The following ZNF367 variants were observed in gnomAD, a reference collection of about 807,000 sequenced individuals.
ZNF367 encodes zinc finger protein 367, also known as C2H2 zinc finger protein ZFF29.
In ZNF367, 11 loss-of-function variants were observed where a neutral mutation model predicts 31.8. That is an observed-to-expected ratio of 0.35 (90% CI 0.22 to 0.57). The LOEUF (loss-of-function observed/expected upper bound fraction) is 0.57. Among genes scored for constraint, ZNF367 ranks in the 20% least tolerant of loss-of-function variants. ZNF367 has a pLI of 0.85. For missense variants in ZNF367, 353 were observed against 484.1 expected (o/e 0.73, Z 2.54); for synonymous variants, 199 against 202.4 (o/e 0.98, Z 0.14).
At chr9:96,398,114 AAAAAAAAAG>A (rs1179528569) in intron 2 of ZNF367, 41 bp downstream of exon 2, 16 of 988,024 alleles carry the variant, frequency 1.6e-5, no homozygotes, top group East Asian at 6.5e-5. Flanking sequence ...AAAAAAAAAA[AAAAAAAAAG>A]TGTTACTTCT....
intron 1 of ZNF367, among the ~76,000 whole-genome samples, chr9:96,416,318 C>G (rs1037001288): frequency 2.0e-5 from 3 of 151,766 alleles, no homozygotes; most frequent in Admixed American, 2.0e-4. Context: ...GATCTCCTGA[C>G]CTCGTGATCC....
chr9:96,395,312 G>A (rs748318961), intron 2 of ZNF367, among the ~76,000 whole-genome samples: 3 of 152,008 alleles, frequency 2.0e-5, no homozygotes, highest in East Asian at 1.9e-4. Context: ...TGAACCCTCC[G>A]ACAGCCTCCT....
At chr9:96,401,824 T>A (rs1184894683) in intron 1 of ZNF367, among the ~76,000 whole-genome samples, 1 of 146,392 alleles carries the variant, frequency 6.8e-6, no homozygotes, top group East Asian at 2.1e-4. Context: ...TGAGATGCCA[T>A]CTCCAAAAAA....
At chr9:96,393,534 T>A (rs1027869635) in intron 3 of ZNF367, among the ~76,000 whole-genome samples, 1 of 131,406 alleles carries the variant, frequency 7.6e-6, no homozygotes, top group African/African-American at 2.9e-5. Context: ...CAATAAAAAA[T>A]AAATAAATAA....
chr9:96,398,065 G>A, intron 2 of ZNF367, 99 bp downstream of exon 2: 1 of 1,217,978 alleles, frequency 8.2e-7, no homozygotes, highest in Non-Finnish European at 1.1e-6. Flanking sequence ...ACTCCAGCCT[G>A]GGCAACAGAG....
rs574864202 is a variant in ZNF367, at chr9:96,385,952, A to C, written c.*2285T>G. On this transcript the variant is annotated 3_prime_UTR_variant, in exon 5 of 5. Transcript: ENST00000375256. Reference sequence around the variant, plus strand: ...CCGTGTACTTTAAATTTTAAATTAAAATAAATTTTTATTCAAAGCATCTTT... The same window carrying C: ...CCGTGTACTTTAAATTTTAAATTAACATAAATTTTTATTCAAAGCATCTTT... 1 of 152,306 alleles carries C rather than the reference A, an allele frequency of 6.6e-6. No individual in the cohort carries two copies. The highest frequency in any genetic ancestry group is 2.1e-4 in the South Asian group (1 of 4,824). 9.4% of individuals were successfully genotyped at this position (152,306 alleles called of 1,614,324 possible).
intron 1 of ZNF367, among the ~76,000 whole-genome samples, chr9:96,413,661 A>G (rs1831781322): frequency 6.6e-6 from 1 of 152,194 alleles, no homozygotes; most frequent in African/African-American, 2.4e-5. Flanking sequence ...TCCCTCTCAG[A>G]ATTCTACAAT....
intron 1 of ZNF367, among the ~76,000 whole-genome samples, chr9:96,401,813 G>A (rs939676235): frequency 1.3e-5 from 2 of 150,184 alleles, no homozygotes; most frequent in Non-Finnish European, 3.0e-5. Context: ...GGCAGACAGT[G>A]TGAGATGCCA....
chr9:96,386,172 T>C lies in ZNF367; in HGVS notation c.*2065A>G, dbSNP rs1831407337. 1 of 152,172 alleles carries C rather than the reference T, an allele frequency of 6.6e-6. No individual in the cohort carries two copies. The highest frequency in any genetic ancestry group is 1.5e-5 in the Non-Finnish European group (1 of 68,014). 9.4% of individuals were successfully genotyped at this position (152,172 alleles called of 1,614,324 possible). A position where few individuals can be genotyped will look rare whatever the true frequency, so the allele number is the denominator to read the frequency against. On this transcript the variant is annotated 3_prime_UTR_variant, in exon 5 of 5. Coordinates refer to ENST00000375256, the MANE Select transcript of ZNF367 (RefSeq NM_153695.4). The stretch of plus-strand genomic sequence containing the variant: ...CTTATATCAAAAAGAACATTTTAAA[T>C]GTTTCTAAATAGTTGTGATAATTTC...
chr9:96,417,912 T>C lies in ZNF367; in HGVS notation c.121A>G (p.Lys41Glu). Reference protein sequence around the residue: ...LVSVIRTTPIKPTCGGGGEPE... With the variant: ...LVSVIRTTPIEPTCGGGGEPE... Reference sequence around the variant, plus strand: ...TCCCCTCCACCGCCGCACGTTGGCTTGATCGGGGTCGTCCTGATGACCGAC... The same window carrying C: ...TCCCCTCCACCGCCGCACGTTGGCTCGATCGGGGTCGTCCTGATGACCGAC... Residue 41 changes from lysine (K) to glutamate (E), a missense_variant, in exon 1 of 5, where the codon AAG (lysine) becomes GAG (glutamate). Physicochemically the swap from Lys to Glu is moderately conservative, Grantham distance 56. Around this residue, in one of 5 missense-constraint regions of ZNF367, gnomAD observed 94 missense variants for 86.7 expected, o/e 1.08. Transcript: ENST00000375256. This position sits in a 1 kb window ranked among gnomAD's most constrained non-coding sequence, Gnocchi z 5.0. 6.5e-7 allele frequency: 1 copy of C among 1,529,500 alleles called. No homozygotes were observed. The highest frequency in any genetic ancestry group is 8.7e-7 in the Non-Finnish European group (1 of 1,147,798). 94.7% of individuals were successfully genotyped at this position (1,529,500 alleles called of 1,614,324 possible). A position where few individuals can be genotyped will look rare whatever the true frequency, so the allele number is the denominator to read the frequency against.
chr9:96,411,491 A>C (rs1194812600), intron 1 of ZNF367, among the ~76,000 whole-genome samples: 1 of 151,994 alleles, frequency 6.6e-6, no homozygotes, highest in Admixed American at 6.6e-5. Flanking sequence ...TGAGAGTGGG[A>C]GTTCAAGGCT....
intron 4 of ZNF367, among the ~76,000 whole-genome samples, chr9:96,390,006 G>C (rs779631041): frequency 2.7e-5 from 4 of 145,770 alleles, no homozygotes; most frequent in Non-Finnish European, 5.9e-5. Flanking sequence ...TTGATCTCCC[G>C]ACCTCAGGTG....
At chr9:96,408,410 A>G (rs936391600) in intron 1 of ZNF367, among the ~76,000 whole-genome samples, 4 of 152,254 alleles carry the variant, frequency 2.6e-5, no homozygotes, top group African/African-American at 7.2e-5. Flanking sequence ...AAGCAAACTC[A>G]GTGTGTTAGT....
At chr9:96,408,697 T>C in intron 1 of ZNF367, among the ~76,000 whole-genome samples, 1 of 152,226 alleles carries the variant, frequency 6.6e-6, no homozygotes, top group East Asian at 1.9e-4. Flanking sequence ...CACAACCGTT[T>C]ACATATAGTC....
chr9:96,393,091 G>A (rs1046880344), intron 3 of ZNF367, among the ~76,000 whole-genome samples: 8 of 152,060 alleles, frequency 5.3e-5, no homozygotes, highest in African/African-American at 9.7e-5. Flanking sequence ...CGCAGGGGTC[G>A]GGTGGAGTTC....
chr9:96,395,095 G>A (rs1164371831), intron 2 of ZNF367, among the ~76,000 whole-genome samples, 153 bp from the exon 3 acceptor site: 2 of 152,140 alleles, frequency 1.3e-5, no homozygotes, highest in African/African-American at 2.4e-5. Context: ...AATGCTAATG[G>A]CAGCACTTGG....
chr9:96,410,300 G>A (rs1238409861), intron 1 of ZNF367, among the ~76,000 whole-genome samples: 2 of 151,358 alleles, frequency 1.3e-5, no homozygotes, highest in Non-Finnish European at 2.9e-5. Context: ...GGTGGCTCAC[G>A]CCTGTAATCC....
intron 1 of ZNF367, among the ~76,000 whole-genome samples, chr9:96,403,909 C>A (rs1330086507): frequency 6.6e-6 from 1 of 152,146 alleles, no homozygotes; most frequent in Non-Finnish European, 1.5e-5. Context: ...CTATAGAGCT[C>A]TTAGCTGGAC....
intron 3 of ZNF367, among the ~76,000 whole-genome samples, chr9:96,392,836 G>C (rs886517525): frequency 6.6e-6 from 1 of 152,182 alleles, no homozygotes; most frequent in Non-Finnish European, 1.5e-5. Flanking sequence ...TGTAATCCCA[G>C]CACTTTGGGA....
Sources: gnomAD v4.1 joint callset for allele counts (sites outside exome capture counted in the v4.1 genomes callset) on GRCh38, gnomAD v4.1.1 for gene constraint, gnomAD v4.1.1 regional missense constraint, Gnocchi (gnomAD v3.1) non-coding constraint, MANE v1.5 for transcripts, NCBI Gene and HGNC (gene_info 2026-07-23, HGNC 2026-07-21) for gene names.